RCAN1: variants seen among roughly 807,000 people sequenced by gnomAD.
RCAN1 encodes the protein regulator of calcineurin 1, also known as calcipressin-1.
Under a neutral mutation model 22.9 loss-of-function variants are expected in RCAN1, and 11 were observed. That is an observed-to-expected ratio of 0.48 (90% CI 0.30 to 0.79). The LOEUF (loss-of-function observed/expected upper bound fraction) is 0.79. Ranked by LOEUF, RCAN1 falls within the 30% of genes least tolerant of loss-of-function variation. The pLI, the probability that RCAN1 is intolerant of heterozygous loss-of-function variation, is 0.06. For synonymous variants in RCAN1, 136 were observed against 142.3 expected, an observed-to-expected ratio of 0.96 and a Z score of 0.32; for missense variants, 291 against 337.8, an observed-to-expected ratio of 0.86 and a Z score of 1.09.
At chr21:34,576,718 C>G (rs1366584446) in intron 1 of RCAN1, among the ~76,000 whole-genome samples, 1 of 152,190 alleles carries the variant, frequency 6.6e-6, no homozygotes, top group Non-Finnish European at 1.5e-5. Flanking sequence ...TACTGAGACT[C>G]TAATCACCGC....
At chr21:34,545,332 A>G (rs1986092065) in intron 1 of RCAN1, among the ~76,000 whole-genome samples, 1 of 152,196 alleles carries the variant, frequency 6.6e-6, no homozygotes, top group South Asian at 2.1e-4. Context: ...CACCAGTGTG[A>G]CAGTTTCTAA....
intron 1 of RCAN1, among the ~76,000 whole-genome samples, chr21:34,586,708 T>G (rs1359363758): frequency 6.6e-6 from 1 of 152,174 alleles, no homozygotes; most frequent in African/African-American, 2.4e-5. Context: ...ACCCCAGCAC[T>G]TTGGGAGGCC....
intron 1 of RCAN1, among the ~76,000 whole-genome samples, chr21:34,552,011 G>T (rs931262218): frequency 2.6e-5 from 4 of 152,180 alleles, no homozygotes; most frequent in Admixed American, 1.3e-4. Flanking sequence ...AGGTGGAAAG[G>T]CCAGTAGGAC....
chr21:34,568,659 A>G (rs544462344), intron 1 of RCAN1, among the ~76,000 whole-genome samples: 3 of 152,334 alleles, frequency 2.0e-5, no homozygotes, highest in African/African-American at 7.2e-5. Context: ...CTGAGGAATC[A>G]TACTCATGAA....
intron 1 of RCAN1, among the ~76,000 whole-genome samples, chr21:34,530,625 T>TTTTGTTTTTTTTG (rs568458336): frequency 1.4e-5 from 1 of 72,008 alleles, no homozygotes; most frequent in Non-Finnish European, 2.9e-5. Flanking sequence ...AGTTTTTTTT[T>TTTTGTTTTTTTTG]TTTTTTTTTT....
chr21:34,541,444 G>A (rs960904296), intron 1 of RCAN1, among the ~76,000 whole-genome samples: 13 of 152,176 alleles, frequency 8.5e-5, no homozygotes, highest in Admixed American at 5.2e-4. Flanking sequence ...GTTAGTTAAC[G>A]TTCCACTATC....
intron 1 of RCAN1, among the ~76,000 whole-genome samples, chr21:34,535,447 G>T (rs555586872): frequency 6.7e-6 from 1 of 150,374 alleles, no homozygotes; most frequent in Non-Finnish European, 1.5e-5. Flanking sequence ...AGAATGCCCC[G>T]GAGAAAATAC....
intron 1 of RCAN1, among the ~76,000 whole-genome samples, chr21:34,544,558 A>G (rs1986057348): frequency 6.6e-6 from 1 of 152,252 alleles, no homozygotes; most frequent in African/African-American, 2.4e-5. Flanking sequence ...TGGGCATTGT[A>G]AGCCACTAGA....
At chr21:34,554,280 T>G (rs73208713) in intron 1 of RCAN1, among the ~76,000 whole-genome samples, 3,753 of 152,304 alleles carry the variant, frequency 0.025, 53 homozygotes, top group Middle Eastern at 0.065. Flanking sequence ...CACCTTGAAA[T>G]CATTATTTTA....
chr21:34,595,395 A>G lies in RCAN1; in HGVS notation c.252+19365T>C, dbSNP rs528674202. 2.0e-5 allele frequency among the ~76,000 whole-genome samples: 3 copies of G among 152,302 alleles called. No individual in the cohort carries two copies. In the South Asian group the frequency reaches 6.2e-4, roughly 32 times the overall value. On this transcript the variant is annotated intron_variant, in intron 1 of 3. Coordinates refer to ENST00000313806, the MANE Select transcript of RCAN1 (RefSeq NM_004414.7). The stretch of plus-strand genomic sequence containing the variant: ...TCACAGCTTTTCCTTGACCATGAAA[A>G]ATACAGAAGCAACACCCGCAGAAAG...
At position 34,614,523 on chromosome 21, in the gene RCAN1, C is replaced by T. The variant is rs1001558742; in HGVS notation, c.252+237G>A. On this transcript the variant is annotated intron_variant, in intron 1 of 3. Coordinates refer to ENST00000313806, the MANE Select transcript of RCAN1 (RefSeq NM_004414.7). The surrounding 1 kb of genome is among the most constrained non-coding windows in gnomAD (Gnocchi z 6.0). The stretch of plus-strand genomic sequence containing the variant: ...GCCTGGGCGCACACGGGGGCCGGGG[C>T]GAGCCTGTGGGACTCTGCAGTGAGC... 10 of 1,045,072 alleles carry T rather than the reference C, an allele frequency of 9.6e-6. No individual in the cohort carries two copies. The highest frequency in any genetic ancestry group is 1.2e-5 in the Non-Finnish European group (10 of 866,214). 64.7% of individuals were successfully genotyped at this position (1,045,072 alleles called of 1,614,324 possible). A position where few individuals can be genotyped will look rare whatever the true frequency, so the allele number is the denominator to read the frequency against.
At chr21:34,599,813 G>A (rs541391791) in intron 1 of RCAN1, among the ~76,000 whole-genome samples, 1 of 152,142 alleles carries the variant, frequency 6.6e-6, no homozygotes, top group African/African-American at 2.4e-5. Flanking sequence ...ATCTATAGTT[G>A]GTGCCTACTA....
chr21:34,598,500 G>A (rs572547817), intron 1 of RCAN1, among the ~76,000 whole-genome samples: 6 of 152,152 alleles, frequency 3.9e-5, no homozygotes, highest in African/African-American at 9.7e-5. Flanking sequence ...ACATGCAAAC[G>A]AGAAAACCAG....
chr21:34,587,560 C>G (rs1201751940), intron 1 of RCAN1, among the ~76,000 whole-genome samples: 2 of 151,866 alleles, frequency 1.3e-5, no homozygotes, highest in Admixed American at 6.6e-5. Context: ...AAAACAAAGC[C>G]AGAGTCATAA....
chr21:34,611,220 G>T (rs1988679231), intron 1 of RCAN1, among the ~76,000 whole-genome samples: 1 of 151,932 alleles, frequency 6.6e-6, no homozygotes, highest in African/African-American at 2.4e-5. Flanking sequence ...GAATTGTTTT[G>T]CTTTTCTAAA....
At chr21:34,601,994 C>G (rs960279779) in intron 1 of RCAN1, among the ~76,000 whole-genome samples, 1 of 152,018 alleles carries the variant, frequency 6.6e-6, no homozygotes, top group Non-Finnish European at 1.5e-5. Flanking sequence ...AATAGATGCA[C>G]AGAAAAATAA....
intron 1 of RCAN1, among the ~76,000 whole-genome samples, chr21:34,589,927 A>G (rs1337411641): frequency 1.3e-5 from 2 of 152,208 alleles, no homozygotes; most frequent in Admixed American, 6.5e-5. Context: ...ATTTCTTTAT[A>G]TATCTATATA....
At chr21:34,538,119 C>A (rs7280583) in intron 1 of RCAN1, among the ~76,000 whole-genome samples, 36,414 of 152,076 alleles carry the variant, frequency 0.24, 5,067 homozygotes, top group African/African-American at 0.38. Context: ...ACAGAATTAG[C>A]TCATGATTCA....
At chr21:34,567,685 A>G (rs1987079639) in intron 1 of RCAN1, among the ~76,000 whole-genome samples, 1 of 152,226 alleles carries the variant, frequency 6.6e-6, no homozygotes, top group African/African-American at 2.4e-5. Context: ...TTTCAAATTC[A>G]GAACTTCGGT....
Sources: gnomAD v4.1 joint callset for allele counts (sites outside exome capture counted in the v4.1 genomes callset) on GRCh38, gnomAD v4.1.1 for gene constraint, Gnocchi (gnomAD v3.1) non-coding constraint, MANE v1.5 for transcripts, NCBI Gene and HGNC (gene_info 2026-07-23, HGNC 2026-07-21) for gene names.